The following SKP1 variants were observed in gnomAD, a reference collection of about 807,000 sequenced individuals.
SKP1 encodes S-phase kinase associated protein 1.
SKP1 carries 1 observed loss-of-function variant against 21.5 expected under a neutral mutation model. The ratio of observed to expected loss-of-function variants is 0.05; its 90% CI spans 0.02 to 0.22. The LOEUF is 0.22. SKP1 is among the 10% of genes least tolerant of loss of function. The probability of loss-of-function intolerance (pLI) is 1.00; values close to 1 mark genes in which losing one functional copy is unlikely to be tolerated. For missense variants in SKP1, 70 were observed against 192.0 expected (o/e 0.36, Z 3.76); for synonymous variants, 59 against 59.3 (o/e 0.99, Z 0.03).
At chr5:134,173,556 G>C in intron 2 of SKP1, 1 of 363,214 alleles carries the variant, frequency 2.8e-6, no homozygotes, top group Non-Finnish European at 5.3e-6. Flanking sequence ...ACTGAAATAA[G>C]GTGTTCTATT....
intron 4 of SKP1, among the ~76,000 whole-genome samples, chr5:134,159,153 T>A (rs1761172408): frequency 6.6e-6 from 1 of 152,206 alleles, no homozygotes; most frequent in Admixed American, 6.5e-5. Flanking sequence ...AGGTATTTCA[T>A]TCCATCAATT....
intron 3 of SKP1, among the ~76,000 whole-genome samples, chr5:134,163,588 C>T (rs568991162): frequency 6.6e-6 from 1 of 151,828 alleles, no homozygotes; most frequent in East Asian, 1.9e-4. Flanking sequence ...CCAGGAGTTC[C>T]GGACTAGCCT....
rs1158656421 is a variant in SKP1 at position 134,149,161 on chromosome 5, A to C, written c.*8572T>G. On this transcript the variant is annotated 3_prime_UTR_variant, in exon 6 of 6. Transcript: ENST00000353411. ...CGGGCTTTTAGTGTGCCTCTCACCC[A>C]AACAGTGTACTGTGCACGTAAGTAG... 6.6e-6 allele frequency: 1 copy of C among 152,154 alleles called. No individual in the cohort carries two copies. Among genetic ancestry groups the C allele is most frequent in the Admixed American group, 6.5e-5 (1 of 15,280 alleles). 9.4% of individuals were successfully genotyped at this position (152,154 alleles called of 1,614,324 possible).
chr5:134,171,100 G>C, intron 2 of SKP1: 1 of 444,210 alleles, frequency 2.3e-6, no homozygotes, highest in East Asian at 7.0e-5. Flanking sequence ...CCAGAATACA[G>C]GACTTTAAAG....
At position 134,155,703 on chromosome 5, in the gene SKP1, G is replaced by A. The variant is rs1289959460; in HGVS notation, c.*2030C>T. On this transcript the variant is annotated 3_prime_UTR_variant, in exon 6 of 6. Coordinates refer to ENST00000353411, the MANE Select transcript of SKP1 (RefSeq NM_170679.3). ...GGTAATAACAAGCTCCAGTTTCTTA[G>A]AAGGTGATACTTCCTTTACAAGTTA... 2 of 152,204 alleles carry A rather than the reference G, an allele frequency of 1.3e-5. No homozygotes were observed. Among genetic ancestry groups the A allele is most frequent in the Non-Finnish European group, 2.9e-5 (2 of 68,042 alleles). The allele number at this position is 152,204 out of a possible 1,614,324, so 9.4% of individuals were successfully genotyped here. A position where few individuals can be genotyped will look rare whatever the true frequency, so the allele number is the denominator to read the frequency against.
At chr5:134,161,815 TAGG>T (rs1414970929) in intron 3 of SKP1, 1 of 152,254 alleles carries the variant, frequency 6.6e-6, no homozygotes, top group Non-Finnish European at 1.5e-5. Context: ...ATTTCCTTAA[TAGG>T]AGAATAATTA....
At chr5:134,164,336 A>G (rs1173621769) in intron 3 of SKP1, among the ~76,000 whole-genome samples, 9 of 13,142 alleles carry the variant, frequency 6.8e-4, no homozygotes, top group Admixed American at 3.9e-3. Context: ...AAAAAAAAAA[A>G]AAAAAAAAAA....
At chr5:134,158,889 T>A (rs1761167503) in intron 4 of SKP1, among the ~76,000 whole-genome samples, 1 of 152,198 alleles carries the variant, frequency 6.6e-6, no homozygotes, top group African/African-American at 2.4e-5. Context: ...AAATACCACA[T>A]CAGGTCTTGG....
rs1761102944 is a variant in SKP1, at chr5:134,155,175, A to G, written c.*2558T>C. 6.6e-6 allele frequency: 1 copy of G among 152,254 alleles called. No homozygotes were observed. The highest frequency in any genetic ancestry group is 2.4e-5 in the African/African-American group (1 of 41,462). 9.4% of individuals were successfully genotyped at this position (152,254 alleles called of 1,614,324 possible). On this transcript the variant is annotated 3_prime_UTR_variant, in exon 6 of 6. Transcript: ENST00000353411. ...AACTCCAGCCTCAAGGTATGACTTA[A>G]TGCCACAATATTAGTTTAGAAGAAT...
chr5:134,174,499 A>G, intron 1 of SKP1: 1 of 985,836 alleles, frequency 1.0e-6, no homozygotes, highest in Non-Finnish European at 1.2e-6. Flanking sequence ...GTACATCAGA[A>G]TATGCTCATT....
intron 5 of SKP1, chr5:134,158,208 CTG>C (rs1374866573): frequency 7.1e-7 from 1 of 1,416,188 alleles, no homozygotes; most frequent in Non-Finnish European, 9.2e-7. Flanking sequence ...AAACTAGTAA[CTG>C]TTAATACATT....
In SKP1 at chr5:134,162,876, T is replaced by C. The variant is rs1397748883; in HGVS notation, c.172-1746A>G. Among the ~76,000 whole-genome samples the C allele has an allele frequency of 2.6e-5, 4 of 152,056 alleles. No homozygotes were observed. The East Asian group carries it at 5.8e-4, about 22-fold the overall frequency. Reference sequence around the variant, plus strand: ...CTGCTTAAGGCCGGAAGTTCAAGAATAGCCTGGGCAATATAGAGACACCCC... The same window carrying C: ...CTGCTTAAGGCCGGAAGTTCAAGAACAGCCTGGGCAATATAGAGACACCCC... On this transcript the variant is annotated intron_variant, in intron 3 of 5. Coordinates refer to ENST00000353411, the MANE Select transcript of SKP1 (RefSeq NM_170679.3).
At chr5:134,172,212 C>T (rs1477784890) in intron 2 of SKP1, among the ~76,000 whole-genome samples, 1 of 152,248 alleles carries the variant, frequency 6.6e-6, no homozygotes, top group Non-Finnish European at 1.5e-5. Flanking sequence ...TTGTGTCTGA[C>T]TTCCCTCCTA....
intron 4 of SKP1, among the ~76,000 whole-genome samples, chr5:134,159,311 CCTTT>C (rs572284893): frequency 9.2e-5 from 14 of 152,260 alleles, no homozygotes; most frequent in Non-Finnish European, 1.6e-4. Flanking sequence ...TTTCCAGATA[CCTTT>C]CTGTTTGTGA....
In SKP1 at chr5:134,167,320, A is replaced by G. The variant is rs28505466; in HGVS notation, c.98-77T>C. ...TACCAACCAGGCTATGTCTCAAAAC[A>G]TAAGAGTCAGCCCCCATATCCATGA... On this transcript the variant is annotated intron_variant, in intron 2 of 5. Coordinates refer to ENST00000353411, the MANE Select transcript of SKP1 (RefSeq NM_170679.3). The G allele has an allele frequency of 3.3e-3, 3,061 of 922,568 alleles. 52 individuals are homozygous for G. In the African/African-American group the frequency reaches 0.039, roughly 12 times the overall value. 57.1% of individuals were successfully genotyped at this position (922,568 alleles called of 1,614,324 possible). A position where few individuals can be genotyped will look rare whatever the true frequency, so the allele number is the denominator to read the frequency against.
In SKP1 at chr5:134,149,904, C is replaced by G. The variant is rs900694896; in HGVS notation, c.*7829G>C. ...GAAACTCAGATCCTCCCAAATCACC[C>G]TGGTGCATTCCTGCGAGGCCAGAGG... is the stretch of plus-strand genomic sequence containing the variant. On this transcript the variant is annotated 3_prime_UTR_variant, in exon 6 of 6. Transcript: ENST00000353411. 3 of 151,902 alleles carry G rather than the reference C, an allele frequency of 2.0e-5. No individual in the cohort carries two copies. Among genetic ancestry groups the G allele is most frequent in the African/African-American group, 4.8e-5 (2 of 41,314 alleles). 9.4% of individuals were successfully genotyped at this position (151,902 alleles called of 1,614,324 possible).
chr5:134,166,440 G>A (rs1188634397), intron 3 of SKP1, among the ~76,000 whole-genome samples: 1 of 151,426 alleles, frequency 6.6e-6, no homozygotes, highest in Non-Finnish European at 1.5e-5. Context: ...AATTAGCTGG[G>A]CATGGTGGCG....
rs754982721 is a variant in SKP1, at chr5:134,149,536, T to C, written c.*8197A>G. On this transcript the variant is annotated 3_prime_UTR_variant, in exon 6 of 6. Transcript: ENST00000353411. ...TATTTTTTGGATTTTGTGTTTAAAGTATAAAGTCATTTTCCAGAACAGCGT... is the reference window on the plus strand; with the variant it reads ...TATTTTTTGGATTTTGTGTTTAAAGCATAAAGTCATTTTCCAGAACAGCGT... The C allele has an allele frequency of 6.6e-6, 1 of 152,218 alleles. No homozygotes were observed. Among genetic ancestry groups the C allele is most frequent in the Non-Finnish European group, 1.5e-5 (1 of 68,052 alleles). The allele number at this position is 152,218 out of a possible 1,614,324, so 9.4% of individuals were successfully genotyped here.
At chr5:134,165,024 G>C (rs1426090238) in intron 3 of SKP1, among the ~76,000 whole-genome samples, 1 of 141,026 alleles carries the variant, frequency 7.1e-6, no homozygotes, top group Non-Finnish European at 1.5e-5. Flanking sequence ...TTTACCTAGC[G>C]TAATTTTTTT....
Sources: allele counts gnomAD v4.1 joint callset (sites outside exome capture counted in the v4.1 genomes callset), GRCh38; gene constraint gnomAD v4.1.1; transcripts MANE v1.5; gene names NCBI Gene and HGNC (gene_info 2026-07-23, HGNC 2026-07-21).